AGAP1: variants seen among roughly 807,000 people sequenced by gnomAD.
AGAP1 encodes ArfGAP with GTPase domain, ankyrin repeat and PH domain 1.
AGAP1 carries 29 observed loss-of-function variants against 105.3 expected under a neutral mutation model. That is an observed-to-expected ratio of 0.28 (90% CI 0.21 to 0.38). AGAP1 has a LOEUF of 0.38. AGAP1 is among the 10% of genes least tolerant of loss of function. The probability of loss-of-function intolerance (pLI) is 1.00; values close to 1 mark genes in which losing one functional copy is unlikely to be tolerated. For synonymous variants in AGAP1, 509 were observed against 485.9 expected (o/e 1.05, Z -0.63); for missense variants, 998 against 1,165.1 (o/e 0.86, Z 2.09).
chr2:236,088,499 C>T (rs547279075), intron 16 of AGAP1, among the ~76,000 whole-genome samples: 1 of 152,124 alleles, frequency 6.6e-6, no homozygotes, highest in Non-Finnish European at 1.5e-5. Context: ...TGGGTGATAG[C>T]TAGTGGGTGA....
intron 1 of AGAP1, among the ~76,000 whole-genome samples, chr2:235,593,846 G>A (rs1945430400): frequency 6.6e-6 from 1 of 152,104 alleles, no homozygotes; most frequent in Non-Finnish European, 1.5e-5. Context: ...GTGAGCATCT[G>A]TAGTCCCAGC....
At chr2:235,696,510 T>G (rs2149460490) in intron 1 of AGAP1, among the ~76,000 whole-genome samples, 1 of 152,212 alleles carries the variant, frequency 6.6e-6, no homozygotes, top group African/African-American at 2.4e-5. Context: ...TGTGGCATCT[T>G]GGATGTGAGG....
intron 6 of AGAP1, chr2:235,774,177 A>G (rs954855893): frequency 2.6e-6 from 1 of 380,046 alleles, no homozygotes; most frequent in Non-Finnish European, 5.3e-6. Context: ...CTTATTCTTG[A>G]TATTATAGAC....
At chr2:235,952,043 G>T (rs909682043) in intron 12 of AGAP1, among the ~76,000 whole-genome samples, 2 of 152,152 alleles carry the variant, frequency 1.3e-5, no homozygotes, top group East Asian at 3.8e-4. Context: ...AAGGTCATAA[G>T]CCTCATCTTC....
rs939223078 is a variant in AGAP1, at chr2:236,121,440, A to G, written c.2370+993A>G. ...CTCAGCCTCCCAGGAAGCTGGGATT[A>G]CAGGTGCGCACCACCACGCCCAGCT... is the stretch of plus-strand genomic sequence containing the variant. On this transcript the variant is annotated intron_variant, in intron 17 of 17. Coordinates refer to ENST00000304032, the MANE Select transcript of AGAP1 (RefSeq NM_001037131.3). The surrounding 1 kb of genome is among the most constrained non-coding windows in gnomAD (Gnocchi z 4.9). Among the ~76,000 whole-genome samples the G allele has an allele frequency of 6.6e-6, 1 of 152,132 alleles. No homozygotes were observed. The highest frequency in any genetic ancestry group is 1.5e-5 in the Non-Finnish European group (1 of 68,022).
At position 236,127,536 on chromosome 2, in the gene AGAP1, T is replaced by C. The variant is rs2125992952; in HGVS notation, c.*3414T>C. ...ATTGCATTTCCTGCAGAGCCTCTAG[T>C]GCACAGGCCAGTTCTCGGCAGTGGC... On this transcript the variant is annotated 3_prime_UTR_variant, in exon 18 of 18. Transcript: ENST00000304032. The surrounding 1 kb of genome is among the most constrained non-coding windows in gnomAD (Gnocchi z 6.6). 1 of 152,338 alleles carries C rather than the reference T, an allele frequency of 6.6e-6. No individual in the cohort carries two copies. Among genetic ancestry groups the C allele is most frequent in the South Asian group, 2.1e-4 (1 of 4,822 alleles). 9.4% of individuals were successfully genotyped at this position (152,338 alleles called of 1,614,324 possible). A position where few individuals can be genotyped will look rare whatever the true frequency, so the allele number is the denominator to read the frequency against.
At chr2:235,672,976 A>G (rs1948516444) in intron 1 of AGAP1, among the ~76,000 whole-genome samples, 1 of 152,202 alleles carries the variant, frequency 6.6e-6, no homozygotes, top group Admixed American at 6.5e-5. Context: ...TATTACCAGC[A>G]TTGTGGGTTG....
chr2:235,584,847 G>C (rs570307592), intron 1 of AGAP1, among the ~76,000 whole-genome samples: 1 of 150,146 alleles, frequency 6.7e-6, no homozygotes. Flanking sequence ...TTTTCTCAGC[G>C]GAAACTTGGA....
intron 1 of AGAP1, among the ~76,000 whole-genome samples, chr2:235,495,196 C>T (rs1351709027): frequency 1.3e-5 from 2 of 152,136 alleles, no homozygotes; most frequent in African/African-American, 4.8e-5. Context: ...CGCCACCCGA[C>T]CCCTGACAGG....
rs1029399576 is a variant in AGAP1 at position 235,959,762 on chromosome 2, C to G, written c.1484-8700C>G. Among the ~76,000 whole-genome samples, 1 of 152,224 alleles carries G rather than the reference C, an allele frequency of 6.6e-6. No homozygotes were observed. Among genetic ancestry groups the G allele is most frequent in the Non-Finnish European group, 1.5e-5 (1 of 68,046 alleles). On this transcript the variant is annotated intron_variant, in intron 12 of 17. Coordinates refer to ENST00000304032, the MANE Select transcript of AGAP1 (RefSeq NM_001037131.3). The surrounding 1 kb of genome is among the most constrained non-coding windows in gnomAD (Gnocchi z 7.3). Reference sequence around the variant, plus strand: ...GCCGGGCCCTCCCACAGGCAAGCATCTGGAACTAGCACCAGAGCTTCCTCC... The same window carrying G: ...GCCGGGCCCTCCCACAGGCAAGCATGTGGAACTAGCACCAGAGCTTCCTCC...
At position 235,737,702 on chromosome 2, in the gene AGAP1, G is replaced by A. The variant is rs149850499; in HGVS notation, c.311-3261G>A. On this transcript the variant is annotated intron_variant, in intron 3 of 17. Transcript: ENST00000304032. This position sits in a 1 kb window ranked among gnomAD's most constrained non-coding sequence, Gnocchi z 4.5. The stretch of plus-strand genomic sequence containing the variant: ...GGAGGGTCATCTGCCAGGGCGTCAC[G>A]GTCATTCCACGAGAGCTGGGTGGTG... Among the ~76,000 whole-genome samples the A allele has an allele frequency of 8.4e-4, 128 of 152,174 alleles. 3 individuals carry two copies. The East Asian group carries it at 0.02, about 24-fold the overall frequency.
At position 235,961,959 on chromosome 2, in the gene AGAP1, G is replaced by A. The variant is rs1385356596; in HGVS notation, c.1484-6503G>A. 6.6e-6 allele frequency among the ~76,000 whole-genome samples: 1 copy of A among 152,222 alleles called. No individual in the cohort carries two copies. Among genetic ancestry groups the A allele is most frequent in the Non-Finnish European group, 1.5e-5 (1 of 68,046 alleles). ...GTGAGCATCCATTTCCCAGGGGAGG[G>A]GCCCCGCGCCCATGGAGACTGCTGG... On this transcript the variant is annotated intron_variant, in intron 12 of 17. Coordinates refer to ENST00000304032, the MANE Select transcript of AGAP1 (RefSeq NM_001037131.3). The surrounding 1 kb of genome is among the most constrained non-coding windows in gnomAD (Gnocchi z 5.9).
chr2:236,117,705 T>C (rs933418451), intron 16 of AGAP1, among the ~76,000 whole-genome samples: 32 of 152,348 alleles, frequency 2.1e-4, no homozygotes, highest in Middle Eastern at 6.8e-3. Context: ...TTCACCGTCA[T>C]CCCTTTTCAT....
intron 6 of AGAP1, among the ~76,000 whole-genome samples, chr2:235,775,032 T>C (rs959847806): frequency 1.3e-5 from 2 of 152,162 alleles, no homozygotes; most frequent in Non-Finnish European, 2.9e-5. Context: ...CTGGGAAAGT[T>C]TGAGAGAAAG....
intron 13 of AGAP1, among the ~76,000 whole-genome samples, chr2:235,990,697 ACAGT>A (rs1401420812): frequency 6.6e-6 from 1 of 152,194 alleles, no homozygotes; most frequent in Non-Finnish European, 1.5e-5. Context: ...TGTAGTCAAC[ACAGT>A]CAGAGTCCCA....
At chr2:236,059,178 C>A (rs999765677) in intron 16 of AGAP1, among the ~76,000 whole-genome samples, 6 of 151,654 alleles carry the variant, frequency 4.0e-5, no homozygotes, top group East Asian at 1.9e-4. Context: ...AAAAAAAATT[C>A]TATTGTATTT....
intron 16 of AGAP1, among the ~76,000 whole-genome samples, chr2:236,106,348 T>C (rs2059490421): frequency 6.6e-6 from 1 of 152,234 alleles, no homozygotes; most frequent in Admixed American, 6.5e-5. Flanking sequence ...GATGTCCATA[T>C]GCAGCTCACC....
At chr2:235,538,414 A>C (rs2149089313) in intron 1 of AGAP1, among the ~76,000 whole-genome samples, 1 of 66,788 alleles carries the variant, frequency 1.5e-5, no homozygotes. Flanking sequence ...CTGGAGGAAG[A>C]ACCTCAGCCA....
chr2:235,576,573 A>G (rs1373600486), intron 1 of AGAP1, among the ~76,000 whole-genome samples: 2 of 152,118 alleles, frequency 1.3e-5, no homozygotes, highest in Admixed American at 1.3e-4. Flanking sequence ...GTATTGGTTG[A>G]CTGCAGTGTT....
Sources: allele counts gnomAD v4.1 joint callset (sites outside exome capture counted in the v4.1 genomes callset), GRCh38; gene constraint gnomAD v4.1.1; non-coding constraint Gnocchi (gnomAD v3.1); transcripts MANE v1.5; gene names NCBI Gene and HGNC (gene_info 2026-07-23, HGNC 2026-07-21).